The following TRPM3 variants were observed in gnomAD, a reference collection of about 807,000 sequenced individuals.
The protein encoded by TRPM3 is long transient receptor potential channel 3.
In TRPM3, 77 loss-of-function variants were observed where a neutral mutation model predicts 181.2. That is an observed-to-expected ratio of 0.42 (90% CI 0.35 to 0.51). The LOEUF is 0.51. Ranked by LOEUF, TRPM3 falls within the 20% of genes least tolerant of loss-of-function variation. TRPM3 has a pLI of 0.01. For synonymous variants in TRPM3, 745 were observed against 796.4 expected (o/e 0.94, Z 1.09); for missense variants, 1,759 against 2,196.7 (o/e 0.80, Z 3.98).
chr9:70,617,950 G>C (rs1462597194), intron 17 of TRPM3, among the ~76,000 whole-genome samples: 2 of 152,098 alleles, frequency 1.3e-5, no homozygotes, highest in Non-Finnish European at 2.9e-5. Flanking sequence ...GGGTGACAGA[G>C]CAAGACCTTG....
intron 1 of TRPM3, among the ~76,000 whole-genome samples, chr9:71,439,769 A>T (rs2094107965): frequency 6.6e-6 from 1 of 152,168 alleles, no homozygotes; most frequent in South Asian, 2.1e-4. Context: ...TATTTTTGTC[A>T]TGTTCTCTAC....
At position 71,237,493 on chromosome 9, in the gene TRPM3, T is replaced by C. The variant is rs145361318; in HGVS notation, c.183+209160A>G. ...TGTGGATAGCAACAGAAAACCCACA[T>C]TTTCTACTTATCATTTATTAGATGG... On this transcript the variant is annotated intron_variant, in intron 1 of 24. Transcript: ENST00000357533. Among the ~76,000 whole-genome samples, 182 of 152,300 alleles carry C rather than the reference T, an allele frequency of 1.2e-3. 1 individual carries two copies. The highest frequency in any genetic ancestry group is 4.2e-3 in the African/African-American group (174 of 41,564).
intron 1 of TRPM3, among the ~76,000 whole-genome samples, chr9:71,403,041 G>A (rs923408961): frequency 3.9e-5 from 6 of 152,144 alleles, no homozygotes; most frequent in African/African-American, 9.7e-5. Flanking sequence ...TGCATGTAAA[G>A]TGTTCAGTAG....
At chr9:71,301,588 T>C (rs946706307) in intron 1 of TRPM3, among the ~76,000 whole-genome samples, 1 of 152,204 alleles carries the variant, frequency 6.6e-6, no homozygotes, top group African/African-American at 2.4e-5. Context: ...GGTTAACTTT[T>C]CTCTATGTAT....
intron 1 of TRPM3, among the ~76,000 whole-genome samples, chr9:71,261,645 T>C (rs1041258678): frequency 6.6e-6 from 1 of 152,236 alleles, no homozygotes; most frequent in Admixed American, 6.5e-5. Context: ...TGGATTTATC[T>C]ATCTTTGGTC....
Position 71,282,191 on chromosome 9 carries a change from A to G in TRPM3, c.183+164462T>C, listed in dbSNP as rs868689210. ...AGAATGAAAGAAAGAAAGAAAGGAAAGAAAGAATGAAAGAAAGAAAGAAAG... is the reference window on the plus strand; with the variant it reads ...AGAATGAAAGAAAGAAAGAAAGGAAGGAAAGAATGAAAGAAAGAAAGAAAG... On this transcript the variant is annotated intron_variant, in intron 1 of 24. Coordinates refer to the TRPM3 transcript ENST00000357533. Among the ~76,000 whole-genome samples the G allele has an allele frequency of 1.1e-3, 120 of 112,680 alleles. 1 individual carries two copies. Among genetic ancestry groups the G allele is most frequent in the African/African-American group, 1.8e-3 (42 of 23,872 alleles). The allele number at this position is 112,680 out of a possible 152,430, so 73.9% of individuals were successfully genotyped here. A position where few individuals can be genotyped will look rare whatever the true frequency, so the allele number is the denominator to read the frequency against.
intron 8 of TRPM3, among the ~76,000 whole-genome samples, chr9:70,741,495 T>C (rs1030550921): frequency 3.5e-4 from 53 of 152,146 alleles, no homozygotes; most frequent in African/African-American, 1.3e-3. Flanking sequence ...GAAAAGTCAT[T>C]ATACAAAAAA....
chr9:71,042,202 GAA>G (rs34422926), intron 1 of TRPM3, among the ~76,000 whole-genome samples: 1 of 145,674 alleles, frequency 6.9e-6, no homozygotes, highest in Non-Finnish European at 1.5e-5. Context: ...GTTGTTATTT[GAA>G]AAAAAAAAGG....
At chr9:70,662,504 G>T (rs541594677) in intron 9 of TRPM3, among the ~76,000 whole-genome samples, 1 of 152,018 alleles carries the variant, frequency 6.6e-6, no homozygotes, top group Non-Finnish European at 1.5e-5. Context: ...ATCCAACAAA[G>T]GTCTAGAATC....
At chr9:71,404,405 G>T (rs1186512417) in intron 1 of TRPM3, among the ~76,000 whole-genome samples, 1 of 152,082 alleles carries the variant, frequency 6.6e-6, no homozygotes, top group Non-Finnish European at 1.5e-5. Context: ...ATCTTTTTAG[G>T]ATTTGAAATT....
At chr9:71,296,910 T>C (rs2132301246) in intron 1 of TRPM3, among the ~76,000 whole-genome samples, 1 of 151,496 alleles carries the variant, frequency 6.6e-6, no homozygotes, top group South Asian at 2.1e-4. Context: ...TTATTGAACA[T>C]GAGAAACACT....
chr9:71,228,386 A>C (rs536235010), intron 1 of TRPM3, among the ~76,000 whole-genome samples: 26 of 152,256 alleles, frequency 1.7e-4, no homozygotes, highest in African/African-American at 6.0e-4. Context: ...GACTGGGGAA[A>C]AACAAACTTT....
chr9:70,939,945 T>C (rs2096869347), intron 1 of TRPM3, among the ~76,000 whole-genome samples: 1 of 152,210 alleles, frequency 6.6e-6, no homozygotes, highest in Non-Finnish European at 1.5e-5. Context: ...ATAAGCTACT[T>C]CCTAGCTAAA....
intron 1 of TRPM3, among the ~76,000 whole-genome samples, chr9:71,053,575 C>T (rs529310459): frequency 6.6e-6 from 1 of 152,094 alleles, no homozygotes; most frequent in South Asian, 2.1e-4. Flanking sequence ...TTCCACTGCC[C>T]AATTTTGACA....
intron 1 of TRPM3, among the ~76,000 whole-genome samples, chr9:71,176,076 G>A (rs894206673): frequency 1.9e-4 from 29 of 152,100 alleles, no homozygotes; most frequent in Admixed American, 9.2e-4. Flanking sequence ...CATAATACTT[G>A]ATAAGAAATG....
intron 1 of TRPM3, among the ~76,000 whole-genome samples, chr9:70,993,804 AAGAAAG>A (rs1564923456): frequency 1.1e-4 from 3 of 27,452 alleles, no homozygotes; most frequent in African/African-American, 5.7e-4. Context: ...AAAAAAAAAA[AAGAAAG>A]AAAGAAAGAA....
intron 3 of TRPM3, among the ~76,000 whole-genome samples, chr9:70,855,955 T>C (rs2095375348): frequency 3.9e-5 from 6 of 152,218 alleles, no homozygotes. Flanking sequence ...AACTCTGGAA[T>C]TGGAGGTGTT....
chr9:70,663,062 A>T (rs1377080268), intron 9 of TRPM3, among the ~76,000 whole-genome samples: 1 of 152,222 alleles, frequency 6.6e-6, no homozygotes, highest in Non-Finnish European at 1.5e-5. Flanking sequence ...CTCAGCCATA[A>T]AAAGGAATGA....
At chr9:70,828,046 A>G (rs1480842244) in intron 5 of TRPM3, 28 bp from the exon 6 acceptor site, 1 of 1,592,286 alleles carries the variant, frequency 6.3e-7, no homozygotes, top group Non-Finnish European at 8.6e-7. Flanking sequence ...GAAGAGGCAG[A>G]AGTCAGAAAA....
Sources: gnomAD v4.1 joint callset for allele counts (sites outside exome capture counted in the v4.1 genomes callset) on GRCh38, gnomAD v4.1.1 for gene constraint, MANE v1.5 for transcripts, NCBI Gene and HGNC (gene_info 2026-07-23, HGNC 2026-07-21) for gene names.